STRBP: variants seen among roughly 807,000 people sequenced by gnomAD.
STRBP encodes spermatid perinuclear RNA binding protein.
STRBP carries 13 observed loss-of-function variants against 80.1 expected under a neutral mutation model. That is an observed-to-expected ratio of 0.16 (90% CI 0.11 to 0.26). The LOEUF (loss-of-function observed/expected upper bound fraction) is 0.26, where lower values mean the gene tolerates loss of function less well. Ranked by LOEUF, STRBP falls within the 10% of genes least tolerant of loss-of-function variation. STRBP has a pLI of 1.00. For missense variants in STRBP, 485 were observed against 815.2 expected, an observed-to-expected ratio of 0.59 and a Z score of 4.93; for synonymous variants, 284 against 291.2, an observed-to-expected ratio of 0.98 and a Z score of 0.25.
intron 2 of STRBP, among the ~76,000 whole-genome samples, chr9:123,228,191 TAAAG>T (rs1450211999): frequency 1.3e-5 from 2 of 152,104 alleles, no homozygotes; most frequent in African/African-American, 2.4e-5. Flanking sequence ...CACATATTTT[TAAAG>T]AAAGAAAAGG....
intron 2 of STRBP, among the ~76,000 whole-genome samples, chr9:123,210,610 C>T (rs985222808): frequency 1.2e-4 from 18 of 151,944 alleles, no homozygotes; most frequent in Admixed American, 9.2e-4. Flanking sequence ...AGGTGGATCA[C>T]GAGGTCAGGA....
At chr9:123,153,950 C>G (rs1029685477) in intron 11 of STRBP, among the ~76,000 whole-genome samples, 3 of 152,096 alleles carry the variant, frequency 2.0e-5, no homozygotes, top group Non-Finnish European at 2.9e-5. Context: ...GAGATGGCAA[C>G]AGAGCTAGAA....
chr9:123,123,017 G>T lies in STRBP; in HGVS notation c.*2580C>A. ...CAGTCATTGCTTTCAAAAAGAGGGT[G>T]TCAGAGTGGAGTGTCTGAAAGCTGG... On this transcript the variant is annotated 3_prime_UTR_variant, in exon 19 of 19. Transcript: ENST00000348403. 1 of 985,456 alleles carries T rather than the reference G, an allele frequency of 1.0e-6. No individual in the cohort carries two copies. The highest frequency in any genetic ancestry group is 4.7e-5 in the South Asian group (1 of 21,284). The allele number at this position is 985,456 out of a possible 1,614,324, so 61.0% of individuals were successfully genotyped here.
At chr9:123,204,659 T>G (rs576224707) in intron 2 of STRBP, among the ~76,000 whole-genome samples, 9 of 152,168 alleles carry the variant, frequency 5.9e-5, no homozygotes, top group Non-Finnish European at 1.3e-4. Flanking sequence ...GGCTCACACC[T>G]GTAATCCCAG....
intron 2 of STRBP, among the ~76,000 whole-genome samples, chr9:123,235,810 A>T (rs761133554): frequency 4.6e-5 from 7 of 152,160 alleles, no homozygotes; most frequent in Admixed American, 3.9e-4. Context: ...TTCTGAAATG[A>T]TTTAGGAATA....
At chr9:123,234,710 A>G (rs2040499881) in intron 2 of STRBP, among the ~76,000 whole-genome samples, 1 of 152,184 alleles carries the variant, frequency 6.6e-6, no homozygotes, top group South Asian at 2.1e-4. Flanking sequence ...CTGTAATCCC[A>G]GCACATTGGG....
Position 123,159,136 on chromosome 9 carries a change from T to C in STRBP, c.795A>G (p.Arg265=), listed in dbSNP as rs1463148645. 6.2e-7 allele frequency: 1 copy of C among 1,613,524 alleles called. No homozygotes were observed. Among genetic ancestry groups the C allele is most frequent in the Non-Finnish European group, 8.5e-7 (1 of 1,179,626 alleles). Residue 265 remains arginine, a synonymous_variant, in exon 9 of 19, where the codon AGA becomes AGG. Coordinates refer to ENST00000348403, the MANE Select transcript of STRBP (RefSeq NM_018387.5). ...CAGATGCCAAACACTCCATTACTCG[T>C]CTCAAGGCCTCCCCAGCGCCCAAAG... ...NRPLGAGEAL[R]RVMECLASGI...
At chr9:123,208,392 G>A (rs2039596563) in intron 2 of STRBP, among the ~76,000 whole-genome samples, 1 of 152,166 alleles carries the variant, frequency 6.6e-6, no homozygotes, top group African/African-American at 2.4e-5. Context: ...TTTCTCCGCA[G>A]ATTTCATCAG....
At chr9:123,237,710 T>C (rs1029434226) in intron 1 of STRBP, among the ~76,000 whole-genome samples, 5 of 152,102 alleles carry the variant, frequency 3.3e-5, no homozygotes, top group Admixed American at 6.6e-5. Context: ...GTTTCAGCCA[T>C]TGTATTTCAG....
At chr9:123,150,644 G>A (rs1302397583) in intron 11 of STRBP, among the ~76,000 whole-genome samples, 1 of 152,096 alleles carries the variant, frequency 6.6e-6, no homozygotes, top group Non-Finnish European at 1.5e-5. Context: ...GAAATTCTCT[G>A]CATTGGGGGT....
chr9:123,157,949 G>GA, intron 11 of STRBP, 63 bp downstream of exon 11: 2 of 1,139,674 alleles, frequency 1.8e-6, no homozygotes, highest in Non-Finnish European at 2.6e-6. Context: ...AATGAGAGAT[G>GA]AATCCCATGA....
At chr9:123,147,677 C>CAAA (rs551381831) in intron 12 of STRBP, 101 bp downstream of exon 12, 845 of 373,446 alleles carry the variant, frequency 2.3e-3, no homozygotes, top group Middle Eastern at 2.8e-3. Flanking sequence ...GAACCGATCT[C>CAAA]AAAAAAAAAA....
In STRBP at chr9:123,124,746, G is replaced by A. The variant is rs2035832905; in HGVS notation, c.*851C>T. The A allele has an allele frequency of 1.0e-6, 1 of 985,268 alleles. No individual in the cohort carries two copies. Among genetic ancestry groups the A allele is most frequent in the Non-Finnish European group, 1.2e-6 (1 of 829,922 alleles). 61.0% of individuals were successfully genotyped at this position (985,268 alleles called of 1,614,324 possible). A position where few individuals can be genotyped will look rare whatever the true frequency, so the allele number is the denominator to read the frequency against. Reference sequence around the variant, plus strand: ...TTAATTTATTATTTTTAAAAACTTGGAAATTCATAAACTAGGATAATCACA... The same window carrying A: ...TTAATTTATTATTTTTAAAAACTTGAAAATTCATAAACTAGGATAATCACA... On this transcript the variant is annotated 3_prime_UTR_variant, in exon 19 of 19. Transcript: ENST00000348403.
Position 123,114,988 on chromosome 9 carries a change from C to T in STRBP, c.*84+941G>A, listed in dbSNP as rs763615432. ...CCAATGGCAACAGCCTCTTGCTCAT[C>T]AGCCTTGCCTCCTGACTCTGGTCCT... On this transcript the variant is annotated intron_variant and NMD_transcript_variant, in intron 3 of 3. Coordinates refer to the STRBP transcript ENST00000471564. 7.6e-4 allele frequency: 271 copies of T among 355,352 alleles called. 2 individuals carry two copies. The highest frequency in any genetic ancestry group is 1.4e-3 in the Non-Finnish European group (243 of 172,484). 22.0% of individuals were successfully genotyped at this position (355,352 alleles called of 1,614,324 possible).
At chr9:123,204,900 G>A (rs1403767236) in intron 2 of STRBP, among the ~76,000 whole-genome samples, 14 of 145,504 alleles carry the variant, frequency 9.6e-5, no homozygotes, top group African/African-American at 3.6e-4. Flanking sequence ...CTCTAGCCTG[G>A]GCAACAGAAC....
At chr9:123,163,757 T>C (rs1008373856) in intron 6 of STRBP, among the ~76,000 whole-genome samples, 1 of 152,228 alleles carries the variant, frequency 6.6e-6, no homozygotes, top group Admixed American at 6.5e-5. Context: ...TCATTTAATG[T>C]GGCAATCGCA....
intron 16 of STRBP, among the ~76,000 whole-genome samples, chr9:123,133,321 A>G (rs976652389): frequency 6.6e-6 from 1 of 152,218 alleles, no homozygotes; most frequent in Non-Finnish European, 1.5e-5. Flanking sequence ...ATTATCTGCC[A>G]ACAGGCAGAA....
intron 1 of STRBP, among the ~76,000 whole-genome samples, chr9:123,247,530 A>G (rs964984639): frequency 2.5e-4 from 38 of 152,154 alleles, no homozygotes; most frequent in Non-Finnish European, 1.2e-4. Flanking sequence ...CAGCCTCCCA[A>G]AGTGCTGGGA....
Position 123,141,529 on chromosome 9 carries a change from C to T in STRBP, c.1339-1842G>A, listed in dbSNP as rs566369862. 1.2e-4 allele frequency among the ~76,000 whole-genome samples: 18 copies of T among 152,228 alleles called. No homozygotes were observed. The South Asian group carries it at 1.7e-3, about 14-fold the overall frequency. On this transcript the variant is annotated intron_variant, in intron 13 of 18. Transcript: ENST00000348403. ...TCATCTCCAAGAACAGCTATCATTC[C>T]GAATTAACACTAGCCAACACAGGCT...
Sources: gnomAD v4.1 joint callset for allele counts (sites outside exome capture counted in the v4.1 genomes callset) on GRCh38, gnomAD v4.1.1 for gene constraint, MANE v1.5 for transcripts, NCBI Gene and HGNC (gene_info 2026-07-23, HGNC 2026-07-21) for gene names.